The following RAP1GAP2 variants were observed in gnomAD, a reference collection of about 807,000 sequenced individuals.
The protein encoded by RAP1GAP2 is RAP1 GTPase activating protein 2, also known as rap1 GTPase-activating protein 2.
A neutral mutation model predicts 95.0 loss-of-function variants in RAP1GAP2; 27 were observed. That is an observed-to-expected ratio of 0.28 (90% CI 0.21 to 0.39). RAP1GAP2 has a LOEUF of 0.39. Among genes scored for constraint, RAP1GAP2 ranks in the 10% least tolerant of loss-of-function variants. The pLI, the probability that RAP1GAP2 is intolerant of heterozygous loss-of-function variation, is 1.00. For synonymous variants in RAP1GAP2, 373 were observed against 380.9 expected, an observed-to-expected ratio of 0.98 and a Z score of 0.24; for missense variants, 771 against 970.0, an observed-to-expected ratio of 0.79 and a Z score of 2.72.
rs532632508 is a variant in RAP1GAP2 at position 3,037,622 on chromosome 17, A to G, written c.*4261A>G. 6 of 152,608 alleles carry G rather than the reference A, an allele frequency of 3.9e-5. No individual in the cohort carries two copies. Among genetic ancestry groups the G allele is most frequent in the East Asian group, 1.9e-4 (1 of 5,166 alleles). The allele number at this position is 152,608 out of a possible 1,614,324, so 9.5% of individuals were successfully genotyped here. ...AATAATGTACATTTAATTTATTGCTATGGTAGCACATTGTATTTGTTAATG... is the reference window on the plus strand; with the variant it reads ...AATAATGTACATTTAATTTATTGCTGTGGTAGCACATTGTATTTGTTAATG... On this transcript the variant is annotated 3_prime_UTR_variant, in exon 25 of 25. Coordinates refer to ENST00000254695, the MANE Select transcript of RAP1GAP2 (RefSeq NM_015085.5).
intron 2 of RAP1GAP2, among the ~76,000 whole-genome samples, chr17:2,897,263 A>G (rs1028791951): frequency 3.3e-5 from 5 of 152,036 alleles, no homozygotes; most frequent in African/African-American, 1.2e-4. Flanking sequence ...GCCGGAACCC[A>G]GGAGGCGGAG....
At chr17:2,850,294 C>T (rs1197946196) in intron 2 of RAP1GAP2, among the ~76,000 whole-genome samples, 1 of 151,740 alleles carries the variant, frequency 6.6e-6, no homozygotes, top group Non-Finnish European at 1.5e-5. Context: ...GCCACTGCGC[C>T]TGGCCCGCCT....
intron 1 of RAP1GAP2, among the ~76,000 whole-genome samples, chr17:2,790,768 G>C (rs1024461023): frequency 6.6e-6 from 1 of 152,226 alleles, no homozygotes; most frequent in Non-Finnish European, 1.5e-5. Context: ...TGCTCGAGCA[G>C]AGGAAACCAC....
At chr17:2,959,028 G>A (rs568809098) in intron 4 of RAP1GAP2, among the ~76,000 whole-genome samples, 1 of 152,176 alleles carries the variant, frequency 6.6e-6, no homozygotes, top group Non-Finnish European at 1.5e-5. Context: ...ACAGTGAGGG[G>A]TGGGAGATGG....
rs758647627 is a variant in RAP1GAP2, at chr17:2,871,248, G to A, written c.81-34036G>A. On this transcript the variant is annotated intron_variant, in intron 2 of 24. Transcript: ENST00000254695. The surrounding 1 kb of genome is among the most constrained non-coding windows in gnomAD (Gnocchi z 5.0). ...TGGGATTACAGGCATGAGCCACTGCGCCCAGCCAAGGGCTAAACATTTTAA... is the reference window on the plus strand; with the variant it reads ...TGGGATTACAGGCATGAGCCACTGCACCCAGCCAAGGGCTAAACATTTTAA... Among the ~76,000 whole-genome samples the A allele has an allele frequency of 3.3e-5, 5 of 152,220 alleles. No individual in the cohort carries two copies. Among genetic ancestry groups the A allele is most frequent in the South Asian group, 2.1e-4 (1 of 4,832 alleles).
intron 8 of RAP1GAP2, among the ~76,000 whole-genome samples, chr17:2,968,677 A>G (rs77442053): frequency 0.025 from 3,811 of 152,292 alleles, 169 homozygotes; most frequent in African/African-American, 0.086. Context: ...GAAATATGAT[A>G]GAAGTGTGCG....
In RAP1GAP2 at chr17:2,870,875, T is replaced by G. The variant is rs1427295049; in HGVS notation, c.81-34409T>G. Among the ~76,000 whole-genome samples, 1 of 152,242 alleles carries G rather than the reference T, an allele frequency of 6.6e-6. No individual in the cohort carries two copies. The highest frequency in any genetic ancestry group is 1.5e-5 in the Non-Finnish European group (1 of 68,044). On this transcript the variant is annotated intron_variant, in intron 2 of 24. Coordinates refer to ENST00000254695, the MANE Select transcript of RAP1GAP2 (RefSeq NM_015085.5). This position sits in a 1 kb window ranked among gnomAD's most constrained non-coding sequence, Gnocchi z 4.4. ...ACTGTGTCTCTTTGTGTTGGCTTCA[T>G]TCTCTTGGGCCATCTGTCTCCATGA...
intron 14 of RAP1GAP2, among the ~76,000 whole-genome samples, chr17:3,002,154 G>C (rs180940210): frequency 6.6e-6 from 1 of 152,156 alleles, no homozygotes; most frequent in African/African-American, 2.4e-5. Flanking sequence ...GTAGAGACGG[G>C]GTTTCACCAT....
chr17:2,797,903 C>A lies in RAP1GAP2; in HGVS notation c.44+1332C>A. The A allele has an allele frequency of 1.8e-6, 1 of 557,346 alleles. No individual in the cohort carries two copies. Among genetic ancestry groups the A allele is most frequent in the South Asian group, 7.9e-5 (1 of 12,638 alleles). The allele number at this position is 557,346 out of a possible 1,614,324, so 34.5% of individuals were successfully genotyped here. On this transcript the variant is annotated intron_variant, in intron 1 of 24. Coordinates refer to ENST00000254695, the MANE Select transcript of RAP1GAP2 (RefSeq NM_015085.5). This position sits in a 1 kb window ranked among gnomAD's most constrained non-coding sequence, Gnocchi z 5.6. ...CAATTAGATTGTGCCCTCCAAGGCC[C>A]GCCTTTCTCTGGGAGGTGTGGAGCA...
chr17:2,980,620 C>G (rs561019072), intron 9 of RAP1GAP2, among the ~76,000 whole-genome samples: 2 of 152,274 alleles, frequency 1.3e-5, no homozygotes, highest in South Asian at 2.1e-4. Flanking sequence ...GTCTCTACTT[C>G]CAGGTAGTTC....
chr17:2,927,187 T>A (rs1445589763), intron 3 of RAP1GAP2, among the ~76,000 whole-genome samples: 10 of 150,384 alleles, frequency 6.6e-5, no homozygotes. Context: ...AGAATCTCGC[T>A]CTGTCACCCA....
At chr17:2,794,821 G>A (rs1201187247), upstream of RAP1GAP2, among the ~76,000 whole-genome samples, 1 of 151,960 alleles carries the variant, frequency 6.6e-6, no homozygotes, top group East Asian at 1.9e-4. Context: ...TTTCAGGGAG[G>A]GTTGGCCAGA....
At chr17:2,875,752 C>T (rs1404035561) in intron 2 of RAP1GAP2, among the ~76,000 whole-genome samples, 1 of 152,028 alleles carries the variant, frequency 6.6e-6, no homozygotes, top group Non-Finnish European at 1.5e-5. Flanking sequence ...CTCTGCTGGC[C>T]TTCCACCTGC....
At position 2,981,213 on chromosome 17, in the gene RAP1GAP2, G is replaced by A. The variant is rs2151537267; in HGVS notation, c.694G>A (p.Val232Met). The change falls in exon 10 of 25, where the codon GTG becomes ATG. Residue 232 changes from valine (V) to methionine (M), a missense_variant. Coordinates refer to ENST00000254695, the MANE Select transcript of RAP1GAP2 (RefSeq NM_015085.5). ...TTCTCAGGCTTTCTGTGATGATGCA[G>A]TGGGACTGAGATTCAATCCTGTCCT... The part of the protein sequence containing the change: ...QIAKAFCDDA[V>M]GLRFNPVLYP... 2 of 1,612,694 alleles carry A rather than the reference G, an allele frequency of 1.2e-6. No individual in the cohort carries two copies. The highest frequency in any genetic ancestry group is 2.2e-5 in the East Asian group (1 of 44,868).
At chr17:2,962,809 T>A in intron 5 of RAP1GAP2, 95 bp downstream of exon 5, 1 of 1,194,088 alleles carries the variant, frequency 8.4e-7, no homozygotes, top group Non-Finnish European at 1.2e-6. Context: ...TGGGGTCTTC[T>A]GTCTCACACC....
At chr17:2,953,582 C>CA (rs2043993454) in intron 3 of RAP1GAP2, among the ~76,000 whole-genome samples, 1 of 152,174 alleles carries the variant, frequency 6.6e-6, no homozygotes, top group Non-Finnish European at 1.5e-5. Flanking sequence ...TACGATGGCT[C>CA]ACGCTTGTCA....
At position 3,005,834 on chromosome 17, in the gene RAP1GAP2, C is replaced by T. The variant is rs1046984925; in HGVS notation, c.1273-121C>T. ...GCCTGGGCTAGAAATGATCCGCTGT[C>T]GGAAGGGACTTTTCAGGGGTTCTCC... On this transcript the variant is annotated intron_variant, in intron 15 of 24. Transcript: ENST00000254695. This position sits in a 1 kb window ranked among gnomAD's most constrained non-coding sequence, Gnocchi z 5.2. 22 of 931,032 alleles carry T rather than the reference C, an allele frequency of 2.4e-5. No homozygotes were observed. In the Middle Eastern group the frequency reaches 6.9e-4, roughly 29 times the overall value. 57.7% of individuals were successfully genotyped at this position (931,032 alleles called of 1,614,324 possible).
rs1163480466 is a variant in RAP1GAP2, at chr17:2,902,526, G to C, written c.81-2758G>C. On this transcript the variant is annotated intron_variant, in intron 2 of 24. Transcript: ENST00000254695. This position sits in a 1 kb window ranked among gnomAD's most constrained non-coding sequence, Gnocchi z 4.1. ...GAGCCACCGCTCTGGGCCCAGTTCAGATGTTTTTGAGGGTGGCAGTCATGC... is the reference window on the plus strand; with the variant it reads ...GAGCCACCGCTCTGGGCCCAGTTCACATGTTTTTGAGGGTGGCAGTCATGC... Among the ~76,000 whole-genome samples, 1 of 152,192 alleles carries C rather than the reference G, an allele frequency of 6.6e-6. No homozygotes were observed. The highest frequency in any genetic ancestry group is 1.5e-5 in the Non-Finnish European group (1 of 68,036).
At chr17:2,755,718 A>C (rs1368825763) in exon 1 of RAP1GAP2, 3 of 331,876 alleles carry the variant, frequency 9.0e-6, no homozygotes, top group African/African-American at 4.3e-5. Context: ...CGGGCGAGGC[A>C]TGGCGGGCCG....
Sources: allele counts gnomAD v4.1 joint callset (sites outside exome capture counted in the v4.1 genomes callset), GRCh38; gene constraint gnomAD v4.1.1; non-coding constraint Gnocchi (gnomAD v3.1); transcripts MANE v1.5; gene names NCBI Gene and HGNC (gene_info 2026-07-23, HGNC 2026-07-21).